EPHB1: variants seen among roughly 807,000 people sequenced by gnomAD.
EPHB1 encodes the protein ephrin type-B receptor 1.
EPHB1 carries 30 observed loss-of-function variants against 94.4 expected under a neutral mutation model. The ratio of observed to expected loss-of-function variants is 0.32; its 90% CI spans 0.24 to 0.43. EPHB1 has a LOEUF of 0.43. EPHB1 is among the 20% of genes least tolerant of loss of function. The probability of loss-of-function intolerance (pLI) is 1.00; values close to 1 mark genes in which losing one functional copy is unlikely to be tolerated. For missense variants in EPHB1, 1,055 were observed against 1,308.3 expected (o/e 0.81, Z 2.99); for synonymous variants, 522 against 489.1 (o/e 1.07, Z -0.89).
intron 1 of EPHB1, among the ~76,000 whole-genome samples, chr3:134,903,063 C>A (rs1243556699): frequency 1.3e-5 from 2 of 152,248 alleles, no homozygotes; most frequent in Admixed American, 6.5e-5. Flanking sequence ...ATGGTCCTGA[C>A]TATGGCCCAA....
At chr3:134,901,948 A>G (rs2038211955) in intron 1 of EPHB1, among the ~76,000 whole-genome samples, 1 of 152,186 alleles carries the variant, frequency 6.6e-6, no homozygotes, top group Admixed American at 6.5e-5. Context: ...ATAGGAAAGG[A>G]GCAATACTTG....
At chr3:134,995,229 G>A (rs253882) in intron 3 of EPHB1, among the ~76,000 whole-genome samples, 76,601 of 152,032 alleles carry the variant, frequency 0.5, 21,101 homozygotes, top group African/African-American at 0.73. Context: ...GGAATCATAT[G>A]GTATGTTACC....
At chr3:135,086,207 C>T (rs994190044) in intron 3 of EPHB1, among the ~76,000 whole-genome samples, 3 of 151,910 alleles carry the variant, frequency 2.0e-5, no homozygotes, top group African/African-American at 7.3e-5. Context: ...CTTCCAGGAC[C>T]GAGCTGCCTT....
chr3:135,178,589 A>G (rs753824842), intron 9 of EPHB1, among the ~76,000 whole-genome samples: 1 of 152,140 alleles, frequency 6.6e-6, no homozygotes, highest in Non-Finnish European at 1.5e-5. Flanking sequence ...TAGGAGAGCT[A>G]TAGAGCCATC....
intron 3 of EPHB1, among the ~76,000 whole-genome samples, chr3:135,053,171 T>C (rs1033725377): frequency 4.2e-5 from 2 of 47,102 alleles, no homozygotes; most frequent in Admixed American, 6.7e-4. Context: ...AGGTATTTTT[T>C]AGATAAGATT....
Position 135,192,802 on chromosome 3 carries a change from T to C in EPHB1, c.2109T>C (p.Gly703=). The C allele has an allele frequency of 3.1e-6, 5 of 1,614,010 alleles. No homozygotes were observed. Among genetic ancestry groups the C allele is most frequent in the Non-Finnish European group, 4.2e-6 (5 of 1,179,916 alleles). Residue 703 remains glycine (G), a synonymous_variant, in exon 11 of 16, where the codon GGT becomes GGC. Coordinates refer to ENST00000398015, the MANE Select transcript of EPHB1 (RefSeq NM_004441.5). ...TCATCACAGAGTTCATGGAGAATGG[T>C]GCATTGGATTCTTTCCTCAGGGTAA... is the stretch of plus-strand genomic sequence containing the variant. ...VMIITEFMEN[G]ALDSFLRQND...
chr3:134,906,123 C>G (rs2038319997), intron 1 of EPHB1, among the ~76,000 whole-genome samples: 1 of 152,210 alleles, frequency 6.6e-6, no homozygotes, highest in Non-Finnish European at 1.5e-5. Flanking sequence ...ACACGTTCCT[C>G]TGCAAATTCA....
intron 2 of EPHB1, among the ~76,000 whole-genome samples, chr3:134,947,931 C>G (rs1358032672): frequency 3.3e-5 from 5 of 152,048 alleles, no homozygotes; most frequent in Non-Finnish European, 1.5e-5. Flanking sequence ...GCTGGTTCTA[C>G]AGGCACAAGC....
chr3:135,203,203 G>A (rs1053424741), intron 12 of EPHB1, among the ~76,000 whole-genome samples: 1 of 152,078 alleles, frequency 6.6e-6, no homozygotes, highest in African/African-American at 2.4e-5. Flanking sequence ...ATCACACATG[G>A]ACACATGTGA....
At chr3:134,874,772 T>C (rs1386287217) in intron 1 of EPHB1, among the ~76,000 whole-genome samples, 1 of 152,222 alleles carries the variant, frequency 6.6e-6, no homozygotes, top group Admixed American at 6.5e-5. Flanking sequence ...CTCTTTCTTC[T>C]TGAGGATTGT....
chr3:135,156,412 G>A (rs1941356767), intron 6 of EPHB1, among the ~76,000 whole-genome samples: 1 of 152,200 alleles, frequency 6.6e-6, no homozygotes, highest in African/African-American at 2.4e-5. Context: ...CTGAATAGTG[G>A]GACATGACTG....
intron 3 of EPHB1, among the ~76,000 whole-genome samples, chr3:134,967,541 A>C (rs1301428821): frequency 6.6e-6 from 1 of 152,054 alleles, no homozygotes; most frequent in Non-Finnish European, 1.5e-5. Context: ...TTATATTACA[A>C]TGGTTGTATT....
chr3:134,989,496 T>TGC (rs1553718756), intron 3 of EPHB1, among the ~76,000 whole-genome samples: 3 of 93,832 alleles, frequency 3.2e-5, no homozygotes, highest in African/African-American at 1.0e-4. Context: ...CACGCGCGCG[T>TGC]GCACACACAC....
chr3:134,830,195 G>A (rs1409277004), intron 1 of EPHB1, among the ~76,000 whole-genome samples: 1 of 152,066 alleles, frequency 6.6e-6, no homozygotes, highest in East Asian at 1.9e-4. Context: ...TTTCAGAATC[G>A]ATTGACAATA....
At chr3:134,807,534 T>G (rs1185538262) in intron 1 of EPHB1, among the ~76,000 whole-genome samples, 1 of 27,206 alleles carries the variant, frequency 3.7e-5, no homozygotes, top group Non-Finnish European at 6.5e-5. Context: ...TGCACGTGTG[T>G]GTGTGTGAGA....
intron 1 of EPHB1, among the ~76,000 whole-genome samples, chr3:134,876,102 G>T (rs573351077): frequency 6.6e-6 from 1 of 152,190 alleles, no homozygotes; most frequent in Non-Finnish European, 1.5e-5. Flanking sequence ...GGGCTCCTCA[G>T]TCCCTGTGGG....
At chr3:135,060,059 A>G (rs1247210193) in intron 3 of EPHB1, among the ~76,000 whole-genome samples, 4 of 152,248 alleles carry the variant, frequency 2.6e-5, no homozygotes, top group Non-Finnish European at 5.9e-5. Context: ...ACGTACTGTA[A>G]AATTCACTCT....
chr3:135,228,798 AC>A (rs1943463843), intron 12 of EPHB1, among the ~76,000 whole-genome samples: 1 of 152,100 alleles, frequency 6.6e-6, no homozygotes, highest in African/African-American at 2.4e-5. Flanking sequence ...GGAAAGTAAA[AC>A]ACAAGCCAAT....
intron 3 of EPHB1, among the ~76,000 whole-genome samples, chr3:134,965,870 T>G (rs962915302): frequency 6.6e-6 from 1 of 152,150 alleles, no homozygotes; most frequent in Non-Finnish European, 1.5e-5. Context: ...AACCACTTCT[T>G]TGGGAGGCAG....
Sources: allele counts gnomAD v4.1 joint callset (sites outside exome capture counted in the v4.1 genomes callset), GRCh38; gene constraint gnomAD v4.1.1; transcripts MANE v1.5; gene names NCBI Gene and HGNC (gene_info 2026-07-23, HGNC 2026-07-21).